The following SOS1 variants were observed in gnomAD, a reference collection of about 807,000 sequenced individuals.
The protein encoded by SOS1 is SOS Ras/Rac guanine nucleotide exchange factor 1, also known as son of sevenless homolog 1.
SOS1 carries 25 observed loss-of-function variants against 157.6 expected under a neutral mutation model. That is an observed-to-expected ratio of 0.16 (90% confidence interval 0.12 to 0.22). The LOEUF (loss-of-function observed/expected upper bound fraction) is 0.22, where lower values mean the gene tolerates loss of function less well. Among genes scored for constraint, SOS1 ranks in the 10% least tolerant of loss-of-function variants. The pLI is 1.00. For synonymous variants in SOS1, 528 were observed against 534.0 expected (o/e 0.99, Z 0.16); for missense variants, 1,237 against 1,599.1 (o/e 0.77, Z 3.86).
chr2:39,109,153 C>A (rs1445182625), intron 1 of SOS1, among the ~76,000 whole-genome samples: 1 of 152,092 alleles, frequency 6.6e-6, no homozygotes, highest in African/African-American at 2.4e-5. Context: ...AAGCCATGAT[C>A]GCACTACTGC....
chr2:39,004,406 CAAAAAAAAAAAA>C (rs60882005), intron 17 of SOS1, among the ~76,000 whole-genome samples: 5 of 66,534 alleles, frequency 7.5e-5, no homozygotes, highest in Non-Finnish European at 7.7e-5. Flanking sequence ...GACTCTGTGT[CAAAAAAAAAAAA>C]AAAAAAAAAA....
intron 1 of SOS1, among the ~76,000 whole-genome samples, chr2:39,115,589 A>C (rs189662034): frequency 2.0e-5 from 3 of 151,064 alleles, no homozygotes; most frequent in Non-Finnish European, 3.0e-5. Flanking sequence ...TAATTTTTTT[A>C]AATGTTTTGG....
intron 1 of SOS1, among the ~76,000 whole-genome samples, chr2:39,109,570 T>C (rs1673335357): frequency 6.6e-6 from 1 of 152,196 alleles, no homozygotes; most frequent in Non-Finnish European, 1.5e-5. Flanking sequence ...TCGTACTGCA[T>C]TATACTTCCT....
chr2:39,011,035 A>G (rs1669451191), intron 14 of SOS1, among the ~76,000 whole-genome samples: 1 of 151,416 alleles, frequency 6.6e-6, no homozygotes, highest in African/African-American at 2.4e-5. Context: ...AGCTGGGATT[A>G]CAGGCGCCCG....
intron 1 of SOS1, among the ~76,000 whole-genome samples, chr2:39,082,044 T>C (rs1026852385): frequency 3.9e-5 from 6 of 152,200 alleles, no homozygotes; most frequent in Non-Finnish European, 7.3e-5. Context: ...ATTTACCCTT[T>C]GTGTTACAAA....
intron 1 of SOS1, among the ~76,000 whole-genome samples, chr2:39,115,121 C>G (rs1315759121): frequency 6.6e-6 from 1 of 152,132 alleles, no homozygotes; most frequent in South Asian, 2.1e-4. Flanking sequence ...AAAATACCTT[C>G]ATTGAGGTAC....
chr2:39,007,926 T>A (rs764845997), intron 15 of SOS1, among the ~76,000 whole-genome samples: 3 of 152,108 alleles, frequency 2.0e-5, no homozygotes, highest in South Asian at 2.1e-4. Flanking sequence ...CTACAAAAAT[T>A]TGGTAAGAGA....
intron 1 of SOS1, among the ~76,000 whole-genome samples, chr2:39,074,387 C>T (rs1229790099): frequency 1.3e-5 from 2 of 149,524 alleles, no homozygotes; most frequent in Non-Finnish European, 3.0e-5. Context: ...ACCAGCCTGG[C>T]CAACATGGCA....
intron 8 of SOS1, among the ~76,000 whole-genome samples, chr2:39,026,121 C>T (rs1572833368): frequency 1.3e-5 from 2 of 152,232 alleles, no homozygotes; most frequent in South Asian, 4.1e-4. Flanking sequence ...CTTTGGGAGG[C>T]TGAGGCGGGG....
intron 20 of SOS1, among the ~76,000 whole-genome samples, chr2:38,991,656 TG>T (rs1281740273): frequency 6.6e-6 from 1 of 152,216 alleles, no homozygotes; most frequent in African/African-American, 2.4e-5. Context: ...TTCTCTGCCC[TG>T]TCTTTGCCAC....
chr2:38,995,378 AT>A lies in SOS1; in HGVS notation c.3090del (p.Lys1030AsnfsTer6). Reference sequence around the variant, plus strand: ...CCAGGAGATTTTAGGGGATAGCTATATTTTTTTGGCTGTAGACATATCAAAA... The same window carrying A: ...CCAGGAGATTTTAGGGGATAGCTATATTTTTTGGCTGTAGACATATCAAAA... ...NPKPLPRFPK[K>X]YSYPLKSPGV... On this transcript the variant is annotated frameshift_variant, in exon 20 of 23. Coordinates refer to ENST00000402219, the MANE Select transcript of SOS1 (RefSeq NM_005633.4). LOFTEE classifies it high-confidence loss of function. 3 of 1,613,168 alleles carry A rather than the reference AT, an allele frequency of 1.9e-6. No homozygotes were observed. Among genetic ancestry groups the A allele is most frequent in the Non-Finnish European group, 2.5e-6 (3 of 1,179,360 alleles).
At chr2:38,992,108 AGGT>A (rs1220225670) in intron 20 of SOS1, among the ~76,000 whole-genome samples, 2 of 152,210 alleles carry the variant, frequency 1.3e-5, no homozygotes, top group African/African-American at 4.8e-5. Flanking sequence ...ACAAGGAAAT[AGGT>A]ATTCACTCTG....
intron 1 of SOS1, among the ~76,000 whole-genome samples, chr2:39,079,950 A>G (rs1166393770): frequency 6.6e-6 from 1 of 152,100 alleles, no homozygotes; most frequent in East Asian, 1.9e-4. Flanking sequence ...AAGCATGCCT[A>G]AAGTCAGTGG....
chr2:38,997,323 G>T lies in SOS1; in HGVS notation c.2894C>A (p.Ala965Glu). Reference sequence around the variant, plus strand: ...CTGCTGGATCTCTCCTGTTATTTCTGCTACTTTCCTCCTTTTGCTAAAGTT... The same window carrying T: ...CTGCTGGATCTCTCCTGTTATTTCTTCTACTTTCCTCCTTTTGCTAAAGTT... ...LINFSKRRKV[A>E]EITGEIQQYQ... The change falls in exon 18 of 23, where the codon GCA (alanine) becomes GAA (glutamate). Residue 965 changes from alanine (A) to glutamate (E), a missense_variant. Transcript: ENST00000402219. 6.2e-7 allele frequency: 1 copy of T among 1,612,786 alleles called. No individual in the cohort carries two copies.
intron 1 of SOS1, among the ~76,000 whole-genome samples, chr2:39,099,968 C>T (rs1306015620): frequency 1.3e-5 from 2 of 152,150 alleles, no homozygotes; most frequent in Non-Finnish European, 1.5e-5. Flanking sequence ...CCACCTGCCT[C>T]GCCCTCCCAA....
At chr2:39,124,597 C>T (rs1674011447), upstream of SOS1, among the ~76,000 whole-genome samples, 2 of 152,268 alleles carry the variant, frequency 1.3e-5, no homozygotes, top group Admixed American at 6.5e-5. Flanking sequence ...GACGCGGCCA[C>T]CTGGTTCTCT....
intron 10 of SOS1, among the ~76,000 whole-genome samples, chr2:39,020,536 C>A (rs560073398): frequency 2.0e-5 from 3 of 151,788 alleles, no homozygotes; most frequent in African/African-American, 7.2e-5. Context: ...TACCTACTAA[C>A]CAAATCACAA....
At chr2:39,087,071 C>CTTG (rs1672402834) in intron 1 of SOS1, among the ~76,000 whole-genome samples, 5 of 152,098 alleles carry the variant, frequency 3.3e-5, no homozygotes, top group Admixed American at 3.3e-4. Context: ...ACCTCAGCCT[C>CTTG]CCAAAGTGCT....
chr2:39,036,439 C>T (rs542666348), intron 6 of SOS1, among the ~76,000 whole-genome samples: 54 of 152,240 alleles, frequency 3.5e-4, no homozygotes, highest in African/African-American at 1.1e-3. Context: ...CAACCTCTGC[C>T]CCCTGGGCTC....
Sources: allele counts gnomAD v4.1 joint callset (sites outside exome capture counted in the v4.1 genomes callset), GRCh38; gene constraint gnomAD v4.1.1; transcripts MANE v1.5; gene names NCBI Gene and HGNC (gene_info 2026-07-23, HGNC 2026-07-21).